The following DEGS2 variants were observed in gnomAD, a reference collection of about 807,000 sequenced individuals.
DEGS2 encodes the protein delta 4-desaturase, sphingolipid 2, also known as sphingolipid delta(4)-desaturase/C4-monooxygenase DES2.
DEGS2 carries 19 observed loss-of-function variants against 23.8 expected under a neutral mutation model. The ratio of observed to expected loss-of-function variants is 0.80; its 90% confidence interval spans 0.56 to 1.17. The LOEUF (loss-of-function observed/expected upper bound fraction) is 1.17, where lower values mean the gene tolerates loss of function less well. DEGS2 is among the 50% of genes most tolerant of loss of function. The pLI is 0.00. For synonymous variants in DEGS2, 218 were observed against 213.7 expected, an observed-to-expected ratio of 1.02 and a Z score of -0.18; for missense variants, 390 against 459.5, an observed-to-expected ratio of 0.85 and a Z score of 1.38.
intron 1 of DEGS2, among the ~76,000 whole-genome samples, chr14:100,151,121 C>T (rs1489639384): frequency 1.3e-5 from 2 of 152,256 alleles, no homozygotes; most frequent in African/African-American, 2.4e-5. Context: ...ATAGCAGGGG[C>T]CCACCAGCCT....
At chr14:100,147,012 TTCA>T (rs1889459959) in intron 2 of DEGS2, 105 bp from the exon 3 acceptor site, 8 of 1,367,384 alleles carry the variant, frequency 5.9e-6, no homozygotes, top group Non-Finnish European at 8.0e-6. Flanking sequence ...CACATGCATA[TTCA>T]TGTACGAACA....
the DEGS2 span, among the ~76,000 whole-genome samples, chr14:100,164,704 A>G: frequency 1.3e-5 from 2 of 152,238 alleles, no homozygotes; most frequent in African/African-American, 4.8e-5. Context: ...GAAGGAAGGC[A>G]TGAGTCTTCA....
At chr14:100,159,485 T>C in intron 1 of DEGS2, 21 bp downstream of exon 1, 2 of 1,467,582 alleles carry the variant, frequency 1.4e-6, no homozygotes, top group South Asian at 2.6e-5. Flanking sequence ...CCCACCGGGG[T>C]GGGCCCCGCG....
intron 1 of DEGS2, among the ~76,000 whole-genome samples, chr14:100,153,681 T>C (rs1889612242): frequency 6.6e-6 from 1 of 152,204 alleles, no homozygotes; most frequent in Admixed American, 6.5e-5. Context: ...CAGGAGTAGC[T>C]GGGAGACACA....
chr14:100,161,397 C>T (rs1380972095), upstream of DEGS2, among the ~76,000 whole-genome samples: 1 of 152,152 alleles, frequency 6.6e-6, no homozygotes, highest in Non-Finnish European at 1.5e-5. Flanking sequence ...TGCATGAAAT[C>T]AAGTCTGATG....
chr14:100,146,984 GCA>G, intron 2 of DEGS2, 77 bp from the exon 3 acceptor site: 4 of 1,527,412 alleles, frequency 2.6e-6, no homozygotes, highest in South Asian at 1.2e-5. Context: ...AGACACCTGA[GCA>G]CACGCGGTGG....
chr14:100,154,029 G>C (rs61991318), intron 1 of DEGS2, among the ~76,000 whole-genome samples: 3 of 152,156 alleles, frequency 2.0e-5, no homozygotes, highest in Non-Finnish European at 4.4e-5. Flanking sequence ...CATCAGCACC[G>C]ATCTAGTGCT....
chr14:100,166,685 G>A, the DEGS2 span, among the ~76,000 whole-genome samples: 1 of 152,052 alleles, frequency 6.6e-6, no homozygotes, highest in East Asian at 1.9e-4. Flanking sequence ...TCGGAGGTCG[G>A]GTAAGACGCC....
At chr14:100,164,233 G>A (rs1309426598), upstream of DEGS2, among the ~76,000 whole-genome samples, 2 of 151,844 alleles carry the variant, frequency 1.3e-5, no homozygotes, top group Non-Finnish European at 2.9e-5. Context: ...GCGCCCAGCC[G>A]TCCTTGTCTA....
chr14:100,145,036 G>C lies in DEGS2; in HGVS notation c.*1725C>G, dbSNP rs1266789781. ...TAGGTCTGGTGGCACTTTTAACCCAGGGCCTGCAGACCACAGCTCAGAGCT... is the reference window on the plus strand; with the variant it reads ...TAGGTCTGGTGGCACTTTTAACCCACGGCCTGCAGACCACAGCTCAGAGCT... On this transcript the variant is annotated 3_prime_UTR_variant, in exon 3 of 3. Coordinates refer to ENST00000305631, the MANE Select transcript of DEGS2 (RefSeq NM_206918.3). The C allele has an allele frequency of 6.6e-6, 1 of 152,420 alleles. No individual in the cohort carries two copies. Among genetic ancestry groups the C allele is most frequent in the Non-Finnish European group, 1.5e-5 (1 of 68,184 alleles). 9.4% of individuals were successfully genotyped at this position (152,420 alleles called of 1,614,324 possible). A position where few individuals can be genotyped will look rare whatever the true frequency, so the allele number is the denominator to read the frequency against.
intron 1 of DEGS2, among the ~76,000 whole-genome samples, chr14:100,150,951 C>T (rs551032174): frequency 6.6e-6 from 1 of 152,210 alleles, no homozygotes; most frequent in Non-Finnish European, 1.5e-5. Context: ...CCACTGGGAC[C>T]CCAGAAACAG....
chr14:100,149,326 G>A lies in DEGS2; in HGVS notation c.467C>T (p.Pro156Leu), dbSNP rs1889518634. ...TRLEGWFFCTPARKLLWLVLQ... is the reference protein window; with the variant it reads ...TRLEGWFFCTLARKLLWLVLQ... ...CACCAGCCAGAGCAGCTTGCGGGCGGGTGTGCAGAAGAACCAGCCCTCCAG... is the reference window on the plus strand; with the variant it reads ...CACCAGCCAGAGCAGCTTGCGGGCGAGTGTGCAGAAGAACCAGCCCTCCAG... The change falls in exon 2 of 3, where the codon CCC (proline) becomes CTC (leucine). Residue 156 changes from proline to leucine, a missense_variant. By Grantham distance (98) the Pro-to-Leu change is moderately conservative. Transcript: ENST00000305631. 1.2e-6 allele frequency: 2 copies of A among 1,607,624 alleles called. No homozygotes were observed. The highest frequency in any genetic ancestry group is 2.2e-5 in the East Asian group (1 of 44,834).
chr14:100,165,100 T>G, the DEGS2 span, among the ~76,000 whole-genome samples: 1 of 152,184 alleles, frequency 6.6e-6, no homozygotes, highest in African/African-American at 2.4e-5. Context: ...CTCCTAGGAC[T>G]AGAGATTCCT....
upstream of DEGS2, among the ~76,000 whole-genome samples, chr14:100,162,210 ATGGT>A (rs1566744656): frequency 6.6e-6 from 1 of 151,044 alleles, no homozygotes; most frequent in Non-Finnish European, 1.5e-5. Flanking sequence ...TTAGCTGGGC[ATGGT>A]GGCGGGCACC....
Position 100,149,103 on chromosome 14 carries a change from C to G in DEGS2, c.690G>C (p.Val230=). 1.2e-6 allele frequency: 2 copies of G among 1,612,986 alleles called. No homozygotes were observed. The highest frequency in any genetic ancestry group is 1.7e-6 in the Non-Finnish European group (2 of 1,180,000). The change falls in exon 2 of 3, where the codon GTG becomes GTC. Residue 230 remains valine, a synonymous_variant. Coordinates refer to ENST00000305631, the MANE Select transcript of DEGS2 (RefSeq NM_206918.3). ...LGLHPISGHF[V]AEHYMFLKGH... is the part of the protein sequence containing the mutation. ...CCTTGAGGAACATGTAGTGCTCGGC[C>G]ACGAAGTGGCCCGAGATGGGGTGCA...
In DEGS2 at chr14:100,149,016, G is replaced by A. The variant is rs368799597; in HGVS notation, c.777C>T (p.His259=). The change falls in exon 2 of 3, where the codon CAC becomes CAT. Residue 259 remains histidine (H), a synonymous_variant. Coordinates refer to ENST00000305631, the MANE Select transcript of DEGS2 (RefSeq NM_206918.3). ...LNWITFNVGY[H]VEHHDFPSIP... The stretch of plus-strand genomic sequence containing the variant: ...TGCTGGGGAAGTCGTGGTGCTCCAC[G>A]TGGTAGCCCACATTGAAGGTGATCC... The A allele has an allele frequency of 1.9e-5, 31 of 1,612,732 alleles. No individual in the cohort carries two copies. Among genetic ancestry groups the A allele is most frequent in the Middle Eastern group, 1.6e-4 (1 of 6,084 alleles).
chr14:100,148,953 A>C lies in DEGS2; in HGVS notation c.825+15T>G, dbSNP rs370626193. 11 of 1,608,326 alleles carry C rather than the reference A, an allele frequency of 6.8e-6. No individual in the cohort carries two copies. The African/African-American group carries it at 1.3e-4, about 20-fold the overall frequency. ...AGCCCTGCCCCGCCGCAGCCCTGCC[A>C]GCCCAGCCACATACCAGCGGCAGGT... is the stretch of plus-strand genomic sequence containing the variant. On this transcript the variant is annotated intron_variant, in intron 2 of 2. Coordinates refer to ENST00000305631, the MANE Select transcript of DEGS2 (RefSeq NM_206918.3).
In DEGS2 at chr14:100,159,573, C is replaced by G. The variant is rs1166349441; in HGVS notation, c.15G>C (p.Ala5=). The G allele has an allele frequency of 1.3e-6, 2 of 1,497,264 alleles. No homozygotes were observed. The highest frequency in any genetic ancestry group is 1.8e-6 in the Non-Finnish European group (2 of 1,124,828). 92.7% of individuals were successfully genotyped at this position (1,497,264 alleles called of 1,614,324 possible). ...AGACCCACTCGAAGTCGCTGCGGCT[C>G]GCGCTGTTGCCCATGGTGGGGCGGG... is the stretch of plus-strand genomic sequence containing the variant. MGNS[A]SRSDFEWVYT... is the part of the protein sequence containing the mutation. Residue 5 remains alanine, a synonymous_variant, in exon 1 of 3, where the codon GCG becomes GCC. Coordinates refer to ENST00000305631, the MANE Select transcript of DEGS2 (RefSeq NM_206918.3).
chr14:100,146,831 ACAAAAT>A lies in DEGS2; in HGVS notation c.896_901del (p.Asp299_Phe300del). On this transcript the variant is annotated inframe_deletion, in exon 3 of 3. Coordinates refer to ENST00000305631, the MANE Select transcript of DEGS2 (RefSeq NM_206918.3). ...ATAGGGCCCCAGGGAGTCCTCAAAC[ACAAAAT>A]CCCAGAGCACCTTCACCCAGGAGTG... is the stretch of plus-strand genomic sequence containing the variant. 1 of 1,613,818 alleles carries A rather than the reference ACAAAAT, an allele frequency of 6.2e-7. No homozygotes were observed.
Sources: gnomAD v4.1 joint callset for allele counts (sites outside exome capture counted in the v4.1 genomes callset) on GRCh38, gnomAD v4.1.1 for gene constraint, MANE v1.5 for transcripts, NCBI Gene and HGNC (gene_info 2026-07-23, HGNC 2026-07-21) for gene names.